NAALADL2: variants seen among roughly 807,000 people sequenced by gnomAD.
NAALADL2 encodes inactive N-acetylated-alpha-linked acidic dipeptidase-like protein 2.
In NAALADL2, 76 loss-of-function variants were observed where a neutral mutation model predicts 87.2. The ratio of observed to expected loss-of-function variants is 0.87; its 90% CI spans 0.72 to 1.05. The LOEUF is 1.05. Ranked by LOEUF, NAALADL2 falls within the 50% of genes least tolerant of loss-of-function variation. The pLI, the probability that NAALADL2 is intolerant of heterozygous loss-of-function variation, is 0.00. For synonymous variants in NAALADL2, 354 were observed against 331.0 expected (o/e 1.07, Z -0.75); for missense variants, 1,089 against 945.8 (o/e 1.15, Z -1.99).
chr3:174,670,405 G>A (rs952836153), intron 2 of NAALADL2, among the ~76,000 whole-genome samples: 1 of 151,898 alleles, frequency 6.6e-6, no homozygotes, highest in African/African-American at 2.4e-5. Context: ...ATTGTTGGCT[G>A]TACTTTTCTT....
In NAALADL2 at chr3:175,770,266, G is replaced by T. The variant is rs567664500; in HGVS notation, c.2189+14848G>T. Among the ~76,000 whole-genome samples, 3 of 152,234 alleles carry T rather than the reference G, an allele frequency of 2.0e-5. No homozygotes were observed. The East Asian group carries it at 5.8e-4, about 29-fold the overall frequency. On this transcript the variant is annotated intron_variant, in intron 13 of 13. Transcript: ENST00000454872. ...TCTACAAAAACTTGGTGATGGATTAGGTATGAGGATGAAGGTGAGGGAAGA... is the reference window on the plus strand; with the variant it reads ...TCTACAAAAACTTGGTGATGGATTATGTATGAGGATGAAGGTGAGGGAAGA...
At chr3:174,481,288 G>A (rs920094377) in intron 1 of NAALADL2, among the ~76,000 whole-genome samples, 3 of 151,990 alleles carry the variant, frequency 2.0e-5, no homozygotes, top group Admixed American at 1.3e-4. Flanking sequence ...ATGTGAAGCC[G>A]CCATATATTC....
intron 10 of NAALADL2, among the ~76,000 whole-genome samples, chr3:175,582,773 T>G (rs909769458): frequency 5.9e-5 from 9 of 152,214 alleles, no homozygotes; most frequent in Admixed American, 5.9e-4. Context: ...AACAATTAAA[T>G]AAAGTAAGTA....
intron 5 of NAALADL2, among the ~76,000 whole-genome samples, chr3:175,360,722 C>G (rs1313882948): frequency 2.6e-5 from 4 of 151,838 alleles, no homozygotes; most frequent in African/African-American, 9.7e-5. Context: ...ATATATGACA[C>G]TCATTGGTAT....
At chr3:175,193,991 T>G (rs80286481) in intron 2 of NAALADL2, among the ~76,000 whole-genome samples, 1 of 151,896 alleles carries the variant, frequency 6.6e-6, no homozygotes, top group Non-Finnish European at 1.5e-5. Flanking sequence ...TCTTGGAGCA[T>G]AGAAATTACA....
At chr3:175,310,190 G>A (rs1479611405) in intron 4 of NAALADL2, among the ~76,000 whole-genome samples, 1 of 152,088 alleles carries the variant, frequency 6.6e-6, no homozygotes, top group Non-Finnish European at 1.5e-5. Flanking sequence ...CAGCCTTGGA[G>A]GAGAATTACA....
intron 4 of NAALADL2, among the ~76,000 whole-genome samples, chr3:175,261,595 A>G (rs943661972): frequency 6.6e-6 from 1 of 152,112 alleles, no homozygotes; most frequent in Non-Finnish European, 1.5e-5. Context: ...ATGCAGTAAT[A>G]TGCATCACTA....
intron 2 of NAALADL2, among the ~76,000 whole-genome samples, chr3:174,572,645 A>G (rs1251632325): frequency 2.0e-5 from 3 of 152,204 alleles, no homozygotes; most frequent in African/African-American, 7.2e-5. Flanking sequence ...CTAATGAAAA[A>G]GTTCAGCAAT....
chr3:175,372,493 C>T (rs1439896477), intron 5 of NAALADL2, among the ~76,000 whole-genome samples: 2 of 152,188 alleles, frequency 1.3e-5, no homozygotes, highest in Non-Finnish European at 2.9e-5. Flanking sequence ...TAGACCCAAG[C>T]TCTCTGTCTT....
chr3:174,964,234 G>A (rs1447852739), intron 1 of NAALADL2, among the ~76,000 whole-genome samples: 3 of 151,942 alleles, frequency 2.0e-5, no homozygotes, highest in South Asian at 2.1e-4. Context: ...TATGGAAAAT[G>A]GTCTCTATTC....
rs145803082 is a variant in NAALADL2 at position 174,705,270 on chromosome 3, C to T, written c.-114-32371C>T. ...AGTACTTAGAAAAAATCCACGCAGACGTGGGGAGAATGTACAAATACCATA... is the reference window on the plus strand; with the variant it reads ...AGTACTTAGAAAAAATCCACGCAGATGTGGGGAGAATGTACAAATACCATA... On this transcript the variant is annotated intron_variant, in intron 2 of 3. Coordinates refer to the NAALADL2 transcript ENST00000434257. Among the ~76,000 whole-genome samples the T allele has an allele frequency of 5.3e-5, 8 of 152,172 alleles. No homozygotes were observed. The East Asian group carries it at 1.5e-3, about 29-fold the overall frequency.
chr3:175,370,988 C>T (rs1008578792), intron 5 of NAALADL2, among the ~76,000 whole-genome samples: 1 of 152,024 alleles, frequency 6.6e-6, no homozygotes, highest in Non-Finnish European at 1.5e-5. Context: ...AAATGTCTGA[C>T]AACACTGTTG....
chr3:175,410,579 T>TA (rs896020994), intron 5 of NAALADL2, among the ~76,000 whole-genome samples: 1 of 147,872 alleles, frequency 6.8e-6, no homozygotes, highest in African/African-American at 2.5e-5. Context: ...TCCTTGCTCT[T>TA]ACAGAGCTTC....
chr3:175,131,075 T>A (rs893995220), intron 2 of NAALADL2, among the ~76,000 whole-genome samples: 3 of 152,270 alleles, frequency 2.0e-5, no homozygotes, highest in East Asian at 3.9e-4. Context: ...TCTTTTAAAT[T>A]TCTTTTATCA....
intron 1 of NAALADL2, chr3:174,458,649 TCA>T (rs1232679598): frequency 1.3e-5 from 2 of 152,222 alleles, no homozygotes; most frequent in African/African-American, 4.8e-5. Flanking sequence ...TCCAGGTTAC[TCA>T]CAGAATTTTC....
intron 1 of NAALADL2, among the ~76,000 whole-genome samples, chr3:175,067,351 C>G (rs1714712010): frequency 6.6e-6 from 1 of 151,930 alleles, no homozygotes; most frequent in South Asian, 2.1e-4. Flanking sequence ...TGCATCCAAC[C>G]CAGGACTAAT....
chr3:175,254,446 A>C (rs1412482301), intron 3 of NAALADL2, among the ~76,000 whole-genome samples: 1 of 152,314 alleles, frequency 6.6e-6, no homozygotes, highest in African/African-American at 2.4e-5. Context: ...TGTGTGATTC[A>C]CTTTATTGCA....
chr3:175,335,083 T>C (rs1761843014), intron 5 of NAALADL2, among the ~76,000 whole-genome samples: 1 of 152,144 alleles, frequency 6.6e-6, no homozygotes, highest in African/African-American at 2.4e-5. Flanking sequence ...CTTGACAGGA[T>C]GGGGCATCAC....
intron 2 of NAALADL2, among the ~76,000 whole-genome samples, chr3:175,128,364 C>T (rs900235273): frequency 1.3e-5 from 2 of 152,116 alleles, no homozygotes; most frequent in Non-Finnish European, 2.9e-5. Context: ...AATTTTTCAA[C>T]ATTTGTAATA....
Sources: gnomAD v4.1 joint callset for allele counts (sites outside exome capture counted in the v4.1 genomes callset) on GRCh38, gnomAD v4.1.1 for gene constraint, MANE v1.5 for transcripts, NCBI Gene and HGNC (gene_info 2026-07-23, HGNC 2026-07-21) for gene names.